Variants in TNFRSF6B observed in about 807,000 individuals in gnomAD.
TNFRSF6B encodes the protein tumor necrosis factor receptor superfamily member 6B.
Under a neutral mutation model 17.9 loss-of-function variants are expected in TNFRSF6B, and 23 were observed. The observed-to-expected ratio is 1.28, with a 90% CI of 0.92 to 1.82. The LOEUF is 1.82. Ranked by LOEUF, TNFRSF6B falls within the 40% of genes most tolerant of loss-of-function variation. The probability of loss-of-function intolerance (pLI) is 0.00; values close to 1 mark genes in which losing one functional copy is unlikely to be tolerated. For synonymous variants in TNFRSF6B, 291 were observed against 195.8 expected, an observed-to-expected ratio of 1.49 and a Z score of -4.06; for missense variants, 555 against 437.2, an observed-to-expected ratio of 1.27 and a Z score of -2.40.
chr20:63,698,206 G>A, intron 2 of TNFRSF6B, 74 bp from the exon 3 acceptor site: 1 of 1,562,728 alleles, frequency 6.4e-7, no homozygotes, highest in Non-Finnish European at 8.7e-7. Flanking sequence ...GGCCCAGAAA[G>A]CAGGGTACCT....
rs1320230526 is a variant in TNFRSF6B at position 63,696,970 on chromosome 20, C to T, written c.203C>T (p.Thr68Met). The T allele has an allele frequency of 3.7e-6, 6 of 1,608,068 alleles. No individual in the cohort carries two copies. The highest frequency in any genetic ancestry group is 4.5e-5 in the East Asian group (2 of 44,612). The change falls in exon 1 of 3, where the codon ACG becomes ATG. Residue 68 changes from threonine to methionine, a missense_variant. By Grantham distance (81) the Thr-to-Met change is moderately conservative. Coordinates refer to ENST00000369996, the MANE Select transcript of TNFRSF6B (RefSeq NM_003823.4). Reference sequence around the variant, plus strand: ...CGGCCGTGCCGCCGAGACAGCCCCACGACGTGTGGCCCGTGTCCACCGCGC... The same window carrying T: ...CGGCCGTGCCGCCGAGACAGCCCCATGACGTGTGGCCCGTGTCCACCGCGC... ...VQRPCRRDSP[T>M]TCGPCPPRHY...
Position 63,698,483 on chromosome 20 carries a change from C to T in TNFRSF6B, c.823C>T (p.Arg275Trp), listed in dbSNP as rs756317669. ...GGCGCAGGACGGGGCGCTGCTGGTGCGGCTGCTGCAGGCGCTGCGCGTGGC... is the reference window on the plus strand; with the variant it reads ...GGCGCAGGACGGGGCGCTGCTGGTGTGGCTGCTGCAGGCGCTGCGCGTGGC... ...LGAQDGALLVRLLQALRVARM... is the reference protein window; with the variant it reads ...LGAQDGALLVWLLQALRVARM... Residue 275 changes from arginine to tryptophan, a missense_variant, in exon 3 of 3, where the codon CGG becomes TGG. Physicochemically the swap from Arg to Trp is moderately radical, Grantham distance 101. Coordinates refer to ENST00000369996, the MANE Select transcript of TNFRSF6B (RefSeq NM_003823.4). 5.0e-5 allele frequency: 77 copies of T among 1,549,830 alleles called. No homozygotes were observed. The highest frequency in any genetic ancestry group is 1.4e-4 in the East Asian group (6 of 41,468).
At position 63,696,751 on chromosome 20, in the gene TNFRSF6B, C is replaced by G; in HGVS notation, c.-17C>G. The G allele has an allele frequency of 6.4e-7, 1 of 1,551,274 alleles. No homozygotes were observed. The highest frequency in any genetic ancestry group is 8.7e-7 in the Non-Finnish European group (1 of 1,148,004). ...GTGTCCGCGCTGAGCCGCGCTCTCC[C>G]TGCTCCAGCAAGGACCATGAGGGCG... On this transcript the variant is annotated 5_prime_UTR_variant, in exon 1 of 3. Coordinates refer to ENST00000369996, the MANE Select transcript of TNFRSF6B (RefSeq NM_003823.4).
rs777062821 is a variant in TNFRSF6B, at chr20:63,698,608, G to A, written c.*45G>A. 5 of 1,440,192 alleles carry A rather than the reference G, an allele frequency of 3.5e-6. No individual in the cohort carries two copies. The Admixed American group carries it at 8.5e-5, about 25-fold the overall frequency. 89.2% of individuals were successfully genotyped at this position (1,440,192 alleles called of 1,614,324 possible). ...ATTCTACATCCTTGGCACCCCACTT[G>A]CACTGAAAGAGGCTTTTTTTTAAAT... is the stretch of plus-strand genomic sequence containing the variant. On this transcript the variant is annotated 3_prime_UTR_variant, in exon 3 of 3. Coordinates refer to ENST00000369996, the MANE Select transcript of TNFRSF6B (RefSeq NM_003823.4).
Position 63,696,908 on chromosome 20 carries a change from G to T in TNFRSF6B, c.141G>T (p.Leu47=), listed in dbSNP as rs767647849. The change falls in exon 1 of 3, where the codon CTG becomes CTT. Residue 47 remains leucine (L), a synonymous_variant. Transcript: ENST00000369996. ...GGGACGCAGAGACAGGGGAGCGGCT[G>T]GTGTGCGCCCAGTGCCCCCCAGGCA... ...PWRDAETGER[L]VCAQCPPGTF... The T allele has an allele frequency of 6.2e-7, 1 of 1,611,076 alleles. No homozygotes were observed. The highest frequency in any genetic ancestry group is 1.1e-5 in the South Asian group (1 of 90,956).
Position 63,698,384 on chromosome 20 carries a change from T to G in TNFRSF6B, c.724T>G (p.Trp242Gly). Reference protein sequence around the residue: ...LLQALEAPEGWGPTPRAGRAA... With the variant: ...LLQALEAPEGGGPTPRAGRAA... ...GCAGGCCCTCGAGGCCCCGGAGGGC[T>G]GGGGTCCGACACCAAGGGCGGGCCG... The change falls in exon 3 of 3, where the codon TGG (tryptophan) becomes GGG (glycine). Residue 242 changes from tryptophan (W) to glycine (G), a missense_variant. Physicochemically the swap from Trp to Gly is radical, Grantham distance 184 (BLOSUM62 -2). Coordinates refer to ENST00000369996, the MANE Select transcript of TNFRSF6B (RefSeq NM_003823.4). 6.2e-7 allele frequency: 1 copy of G among 1,606,172 alleles called. No homozygotes were observed. The highest frequency in any genetic ancestry group is 8.5e-7 in the Non-Finnish European group (1 of 1,177,574).
Position 63,697,522 on chromosome 20 carries a change from G to C in TNFRSF6B, c.619G>C (p.Gly207Arg). ...TGFPLSTRVP[G>R]AEECERAVID... is the part of the protein sequence containing the mutation. ...CTTCCCCCTCAGCACCAGGGTACCA[G>C]GTGAGCCAGAGGCCTGAGGGGGCAG... The change falls in exon 2 of 3, where the codon GGA becomes CGA. Residue 207 changes from glycine (G) to arginine (R), a missense_variant and splice_region_variant. By Grantham distance (125) the Gly-to-Arg change is moderately radical. Transcript: ENST00000369996. The C allele has an allele frequency of 1.3e-6, 2 of 1,542,518 alleles. No homozygotes were observed. The highest frequency in any genetic ancestry group is 1.2e-5 in the South Asian group (1 of 84,372).
In TNFRSF6B at chr20:63,697,517, T is replaced by C. The variant is rs1183293680; in HGVS notation, c.614T>C (p.Val205Ala). Residue 205 changes from valine to alanine, a missense_variant, in exon 2 of 3, where the codon GTA (valine) becomes GCA (alanine). Val to Ala is a moderately conservative substitution (Grantham distance 64). Coordinates refer to ENST00000369996, the MANE Select transcript of TNFRSF6B (RefSeq NM_003823.4). ...ACTGGCTTCCCCCTCAGCACCAGGG[T>C]ACCAGGTGAGCCAGAGGCCTGAGGG... The part of the protein sequence containing the change: ...SCTGFPLSTR[V>A]PGAEECERAV... 1 of 1,544,926 alleles carries C rather than the reference T, an allele frequency of 6.5e-7. No individual in the cohort carries two copies. Among genetic ancestry groups the C allele is most frequent in the African/African-American group, 1.4e-5 (1 of 73,100 alleles).
intron 2 of TNFRSF6B, 40 bp downstream of exon 2, chr20:63,697,562 G>C: frequency 2.7e-6 from 4 of 1,500,772 alleles, no homozygotes; most frequent in Non-Finnish European, 3.6e-6. Context: ...CTGCAGGCCA[G>C]GCCCACTTGT....
rs757948726 is a variant in TNFRSF6B at position 63,698,628 on chromosome 20, T to C, written c.*65T>C. The C allele has an allele frequency of 6.4e-6, 9 of 1,400,224 alleles. No individual in the cohort carries two copies. Among genetic ancestry groups the C allele is most frequent in the Non-Finnish European group, 8.4e-6 (9 of 1,072,238 alleles). The allele number at this position is 1,400,224 out of a possible 1,614,324, so 86.7% of individuals were successfully genotyped here. On this transcript the variant is annotated 3_prime_UTR_variant, in exon 3 of 3. Coordinates refer to ENST00000369996, the MANE Select transcript of TNFRSF6B (RefSeq NM_003823.4). ...CACTTGCACTGAAAGAGGCTTTTTT[T>C]TAAATAGAAGAAATGAGGTTTCTTA... is the stretch of plus-strand genomic sequence containing the variant.
In TNFRSF6B at chr20:63,698,575, T is replaced by C. The variant is rs780838731; in HGVS notation, c.*12T>C. The C allele has an allele frequency of 7.8e-5, 115 of 1,474,918 alleles. No homozygotes were observed. The highest frequency in any genetic ancestry group is 2.5e-4 in the Middle Eastern group (1 of 3,926). The allele number at this position is 1,474,918 out of a possible 1,614,324, so 91.4% of individuals were successfully genotyped here. ...TCCCTGTGCACTGATCCTGGCCCCC[T>C]CTTATTTATTCTACATCCTTGGCAC... On this transcript the variant is annotated 3_prime_UTR_variant, in exon 3 of 3. Transcript: ENST00000369996.
chr20:63,697,238 G>A (rs899745024), intron 1 of TNFRSF6B, 47 bp downstream of exon 1: 2 of 1,552,234 alleles, frequency 1.3e-6, no homozygotes, highest in Non-Finnish European at 1.7e-6. Context: ...GTGGCCGGAG[G>A]TGTGGCAGGG....
intron 2 of TNFRSF6B, among the ~76,000 whole-genome samples, 187 bp downstream of exon 2, chr20:63,697,709 A>G (rs2145490573): frequency 6.6e-6 from 1 of 152,230 alleles, no homozygotes; most frequent in East Asian, 1.9e-4. Flanking sequence ...GGGGTGGCTG[A>G]GAATTTGGAT....
chr20:63,697,231 G>A, intron 1 of TNFRSF6B, 40 bp downstream of exon 1: 2 of 1,551,756 alleles, frequency 1.3e-6, no homozygotes, highest in Non-Finnish European at 1.7e-6. Context: ...AGGAGTGGTG[G>A]CCGGAGGTGT....
intron 2 of TNFRSF6B, 66 bp from the exon 3 acceptor site, chr20:63,698,214 C>G (rs1020665536): frequency 1.3e-6 from 2 of 1,574,468 alleles, no homozygotes; most frequent in Non-Finnish European, 1.7e-6. Context: ...AAGCAGGGTA[C>G]CTGGCAGCCC....
In TNFRSF6B at chr20:63,697,507, A is replaced by G; in HGVS notation, c.604A>G (p.Ser202Gly). 6.4e-7 allele frequency: 1 copy of G among 1,551,196 alleles called. No homozygotes were observed. The highest frequency in any genetic ancestry group is 8.7e-7 in the Non-Finnish European group (1 of 1,146,028). The change falls in exon 2 of 3, where the codon AGC (serine) becomes GGC (glycine). Residue 202 changes from serine (S) to glycine (G), a missense_variant. Transcript: ENST00000369996. Reference sequence around the variant, plus strand: ...CACCAGCTGCACTGGCTTCCCCCTCAGCACCAGGGTACCAGGTGAGCCAGA... The same window carrying G: ...CACCAGCTGCACTGGCTTCCCCCTCGGCACCAGGGTACCAGGTGAGCCAGA... The part of the protein sequence containing the change: ...LCTSCTGFPL[S>G]TRVPGAEECE...
chr20:63,698,282 G>A lies in TNFRSF6B; in HGVS notation c.622G>A (p.Ala208Thr), dbSNP rs759615436. 4 of 1,610,738 alleles carry A rather than the reference G, an allele frequency of 2.5e-6. No individual in the cohort carries two copies. The highest frequency in any genetic ancestry group is 1.7e-5 in the Admixed American group (1 of 59,914). The change falls in exon 3 of 3, where the codon GCT (alanine) becomes ACT (threonine). Residue 208 changes from alanine to threonine, a missense_variant and splice_region_variant. By Grantham distance (58) the Ala-to-Thr change is moderately conservative (BLOSUM62 0). Coordinates refer to ENST00000369996, the MANE Select transcript of TNFRSF6B (RefSeq NM_003823.4). ...GCTGCCTCCCCACCCCACTGCAGGA[G>A]CTGAGGAGTGTGAGCGTGCCGTCAT... The part of the protein sequence containing the change: ...GFPLSTRVPG[A>T]EECERAVIDF...
Position 63,697,025 on chromosome 20 carries a change from G to C in TNFRSF6B, c.258G>C (p.Glu86Asp). ...ACACGCAGTTCTGGAACTACCTAGA[G>C]CGCTGCCGCTACTGCAACGTCCTCT... ...RHYTQFWNYL[E>D]RCRYCNVLCG... is the part of the protein sequence containing the mutation. The change falls in exon 1 of 3, where the codon GAG becomes GAC. Residue 86 changes from glutamate to aspartate, a missense_variant. By Grantham distance (45) the Glu-to-Asp change is conservative. Coordinates refer to ENST00000369996, the MANE Select transcript of TNFRSF6B (RefSeq NM_003823.4). The C allele has an allele frequency of 6.2e-7, 1 of 1,607,258 alleles. No homozygotes were observed. The highest frequency in any genetic ancestry group is 8.5e-7 in the Non-Finnish European group (1 of 1,179,066).
At chr20:63,697,265 C>T in intron 1 of TNFRSF6B, 63 bp from the exon 2 acceptor site, 1 of 1,559,692 alleles carries the variant, frequency 6.4e-7, no homozygotes, top group Non-Finnish European at 8.7e-7. Context: ...TTGCTGGTCC[C>T]AGCCTTGCAC....
Sources: allele counts gnomAD v4.1 joint callset (sites outside exome capture counted in the v4.1 genomes callset), GRCh38; gene constraint gnomAD v4.1.1; transcripts MANE v1.5; gene names NCBI Gene and HGNC (gene_info 2026-07-23, HGNC 2026-07-21).